ANKRD6: variants seen among roughly 807,000 people sequenced by gnomAD.
ANKRD6 encodes the protein ankyrin repeat domain 6.
In ANKRD6, 56 loss-of-function variants were observed where a neutral mutation model predicts 82.3. That is an observed-to-expected ratio of 0.68 (90% CI 0.55 to 0.85). The LOEUF (loss-of-function observed/expected upper bound fraction) is 0.85. Among genes scored for constraint, ANKRD6 ranks in the 40% least tolerant of loss-of-function variants. The probability of loss-of-function intolerance (pLI) is 0.00; values close to 1 mark genes in which losing one functional copy is unlikely to be tolerated. For synonymous variants in ANKRD6, 347 were observed against 352.1 expected (o/e 0.99, Z 0.16); for missense variants, 852 against 907.6 (o/e 0.94, Z 0.79).
chr6:89,515,281 T>G (rs1222265056), intron 1 of ANKRD6, among the ~76,000 whole-genome samples: 1 of 152,198 alleles, frequency 6.6e-6, no homozygotes, highest in East Asian at 1.9e-4. Flanking sequence ...TTTCTACCTT[T>G]GTGTTCCCTA....
chr6:89,443,809 G>C (rs912025027), intron 1 of ANKRD6, among the ~76,000 whole-genome samples: 1 of 152,258 alleles, frequency 6.6e-6, no homozygotes, highest in African/African-American at 2.4e-5. Flanking sequence ...CCTGATAGGA[G>C]AGCTTGGAAC....
intron 9 of ANKRD6, among the ~76,000 whole-genome samples, chr6:89,619,125 T>A (rs1374790225): frequency 6.6e-6 from 1 of 152,150 alleles, no homozygotes; most frequent in Admixed American, 6.6e-5. Flanking sequence ...GCAAAATTGA[T>A]CACCTTCTTG....
chr6:89,532,900 A>C, intron 1 of ANKRD6, among the ~76,000 whole-genome samples: 1 of 145,788 alleles, frequency 6.9e-6, no homozygotes, highest in Middle Eastern at 3.4e-3. Context: ...TTTGAGATGG[A>C]GTCTCGCTCT....
intron 1 of ANKRD6, among the ~76,000 whole-genome samples, chr6:89,554,846 G>A (rs1371265411): frequency 6.6e-6 from 1 of 152,132 alleles, no homozygotes; most frequent in African/African-American, 2.4e-5. Context: ...AGCACAATCC[G>A]AAGACCAAAA....
intron 1 of ANKRD6, among the ~76,000 whole-genome samples, chr6:89,465,891 A>T (rs924797813): frequency 1.8e-4 from 28 of 152,292 alleles, no homozygotes; most frequent in African/African-American, 6.3e-4. Context: ...TTAAAAAAAA[A>T]TTTTAATGAG....
chr6:89,501,729 C>T (rs1307523909), intron 1 of ANKRD6, among the ~76,000 whole-genome samples: 1 of 152,134 alleles, frequency 6.6e-6, no homozygotes, highest in African/African-American at 2.4e-5. Flanking sequence ...CTGTTTGTTA[C>T]ACCAAAGTGA....
At chr6:89,524,674 GT>G (rs1782254250) in intron 1 of ANKRD6, among the ~76,000 whole-genome samples, 1 of 152,148 alleles carries the variant, frequency 6.6e-6, no homozygotes, top group Non-Finnish European at 1.5e-5. Flanking sequence ...GTTGCGAGTT[GT>G]GGGGCTATAA....
intron 4 of ANKRD6, among the ~76,000 whole-genome samples, chr6:89,605,529 C>T (rs1474608153): frequency 2.0e-5 from 3 of 152,132 alleles, no homozygotes; most frequent in African/African-American, 4.8e-5. Flanking sequence ...GTTGGGGAAT[C>T]GATCAGGCCC....
At chr6:89,524,298 C>G (rs1429955894) in intron 1 of ANKRD6, among the ~76,000 whole-genome samples, 1 of 152,038 alleles carries the variant, frequency 6.6e-6, no homozygotes, top group Non-Finnish European at 1.5e-5. Context: ...TATCCCTCAC[C>G]CCCCTCCCAC....
intron 1 of ANKRD6, among the ~76,000 whole-genome samples, chr6:89,487,796 C>G (rs1458923610): frequency 6.6e-6 from 1 of 152,096 alleles, no homozygotes; most frequent in African/African-American, 2.4e-5. Context: ...ACTCTCTTCC[C>G]TGCAACCTAG....
At chr6:89,513,761 A>G (rs1780859936) in intron 1 of ANKRD6, among the ~76,000 whole-genome samples, 1 of 152,256 alleles carries the variant, frequency 6.6e-6, no homozygotes, top group Non-Finnish European at 1.5e-5. Flanking sequence ...GAAAGGCATT[A>G]ATGTTAGTCT....
At chr6:89,579,404 G>A (rs184569037) in intron 2 of ANKRD6, among the ~76,000 whole-genome samples, 167 of 152,300 alleles carry the variant, frequency 1.1e-3, no homozygotes, top group Non-Finnish European at 1.9e-3. Context: ...GGAGTCCTGA[G>A]TGGAAGACAC....
At chr6:89,448,892 T>C (rs1303614093) in intron 1 of ANKRD6, among the ~76,000 whole-genome samples, 4 of 151,162 alleles carry the variant, frequency 2.6e-5, no homozygotes, top group Non-Finnish European at 5.9e-5. Context: ...TAGCCGGGCG[T>C]GTTGGCGGGC....
chr6:89,507,807 A>G (rs1488372342), intron 1 of ANKRD6, among the ~76,000 whole-genome samples: 1 of 152,240 alleles, frequency 6.6e-6, no homozygotes, highest in Non-Finnish European at 1.5e-5. Context: ...AAATATATAT[A>G]GTAAATGCTC....
chr6:89,600,353 G>A lies in ANKRD6; in HGVS notation c.220-2676G>A, dbSNP rs562558134. ...ACCAAGGCTTAGGTTAGTCTGTGCC[G>A]TACCATCCAGTGAAGGCCCTTCGTG... On this transcript the variant is annotated intron_variant, in intron 3 of 15. Transcript: ENST00000339746. 6.6e-5 allele frequency among the ~76,000 whole-genome samples: 10 copies of A among 152,238 alleles called. No homozygotes were observed. The South Asian group carries it at 1.2e-3, about 19-fold the overall frequency.
intron 1 of ANKRD6, among the ~76,000 whole-genome samples, chr6:89,442,246 T>C (rs1351146048): frequency 6.6e-6 from 1 of 152,056 alleles, no homozygotes; most frequent in African/African-American, 2.4e-5. Context: ...TCCACCTGCC[T>C]TGGCTCCCCA....
rs1247163058 is a variant in ANKRD6 at position 89,633,245 on chromosome 6, CTCAG to C, written c.*2246_*2249del. On this transcript the variant is annotated 3_prime_UTR_variant, in exon 16 of 16. Coordinates refer to ENST00000339746, the MANE Select transcript of ANKRD6 (RefSeq NM_001242809.2). ...AGAGGTGATGAAGACACAGAACAGG[CTCAG>C]TCAGCATCCTCACCCAGAGATGGCA... is the stretch of plus-strand genomic sequence containing the variant. 1 of 152,208 alleles carries C rather than the reference CTCAG, an allele frequency of 6.6e-6. No individual in the cohort carries two copies. Among genetic ancestry groups the C allele is most frequent in the African/African-American group, 2.4e-5 (1 of 41,454 alleles). 9.4% of individuals were successfully genotyped at this position (152,208 alleles called of 1,614,324 possible). A position where few individuals can be genotyped will look rare whatever the true frequency, so the allele number is the denominator to read the frequency against.
chr6:89,600,312 A>G (rs1296078961), intron 3 of ANKRD6, among the ~76,000 whole-genome samples: 2 of 152,280 alleles, frequency 1.3e-5, no homozygotes, highest in African/African-American at 4.8e-5. Context: ...AACATGACAA[A>G]AAATATTTGA....
intron 5 of ANKRD6, among the ~76,000 whole-genome samples, chr6:89,607,253 A>G (rs1345604515): frequency 6.6e-6 from 1 of 152,132 alleles, no homozygotes; most frequent in Non-Finnish European, 1.5e-5. Flanking sequence ...TGCTATTGAA[A>G]TGAAATATGG....
Sources: allele counts gnomAD v4.1 joint callset (sites outside exome capture counted in the v4.1 genomes callset), GRCh38; gene constraint gnomAD v4.1.1; transcripts MANE v1.5; gene names NCBI Gene and HGNC (gene_info 2026-07-23, HGNC 2026-07-21).